XKR6: variants seen among roughly 807,000 people sequenced by gnomAD.
XKR6 encodes XK related 6, also known as XK-related protein 6.
In XKR6, 22 loss-of-function variants were observed where a neutral mutation model predicts 56.7. The ratio of observed to expected loss-of-function variants is 0.39; its 90% CI spans 0.28 to 0.55. The LOEUF is 0.55. XKR6 is among the 20% of genes least tolerant of loss of function. XKR6 has a pLI of 0.66. For missense variants in XKR6, 852 were observed against 889.0 expected (o/e 0.96, Z 0.53); for synonymous variants, 524 against 387.8 (o/e 1.35, Z -4.13).
chr8:10,906,416 A>G (rs919010356), intron 2 of XKR6, among the ~76,000 whole-genome samples: 1 of 152,242 alleles, frequency 6.6e-6, no homozygotes, highest in Non-Finnish European at 1.5e-5. Context: ...TGGTCTTCAC[A>G]TGCAGGGCAC....
chr8:11,104,414 T>C (rs1018957362), intron 1 of XKR6, among the ~76,000 whole-genome samples: 3 of 152,240 alleles, frequency 2.0e-5, no homozygotes, highest in East Asian at 1.9e-4. Context: ...GGCACAGTGA[T>C]TGGCACTCAA....
At chr8:10,903,508 C>T (rs1057228176) in intron 2 of XKR6, among the ~76,000 whole-genome samples, 2 of 151,984 alleles carry the variant, frequency 1.3e-5, no homozygotes, top group Non-Finnish European at 2.9e-5. Context: ...AAGTTGTGTC[C>T]CCCCCACAAA....
intron 2 of XKR6, among the ~76,000 whole-genome samples, chr8:10,914,935 C>G (rs1306299305): frequency 4.6e-5 from 7 of 152,246 alleles, no homozygotes; most frequent in African/African-American, 1.7e-4. Context: ...TCTCAGGACA[C>G]TGTCCTCCAG....
At chr8:11,108,546 G>C (rs913468880) in intron 1 of XKR6, 2 of 357,426 alleles carry the variant, frequency 5.6e-6, no homozygotes, top group African/African-American at 4.3e-5. Context: ...GAGGACTGTG[G>C]CTCAGCGGCC....
intron 1 of XKR6, among the ~76,000 whole-genome samples, chr8:11,068,011 G>A (rs539736414): frequency 6.6e-6 from 1 of 152,246 alleles, no homozygotes; most frequent in Non-Finnish European, 1.5e-5. Context: ...GCTAGATTCT[G>A]AGCTCCCTGG....
intron 1 of XKR6, among the ~76,000 whole-genome samples, chr8:11,075,850 G>A (rs1190328796): frequency 2.0e-5 from 3 of 152,070 alleles, no homozygotes; most frequent in African/African-American, 7.2e-5. Context: ...TCCAGCCTGG[G>A]CAACATAGCG....
intron 1 of XKR6, among the ~76,000 whole-genome samples, chr8:11,186,802 C>A (rs1219400465): frequency 1.3e-5 from 2 of 152,228 alleles, no homozygotes; most frequent in Non-Finnish European, 2.9e-5. Context: ...CACCCCACGA[C>A]AAACAATACT....
At chr8:10,916,518 A>G (rs1259471461) in intron 2 of XKR6, among the ~76,000 whole-genome samples, 1 of 152,228 alleles carries the variant, frequency 6.6e-6, no homozygotes, top group African/African-American at 2.4e-5. Flanking sequence ...GATGTCTTTC[A>G]CTGGGGAGAG....
intron 1 of XKR6, chr8:11,108,192 C>G: frequency 2.3e-6 from 1 of 443,044 alleles, no homozygotes; most frequent in South Asian, 1.6e-5. Context: ...GTCCACTACA[C>G]TTATAAACAA....
At chr8:11,036,976 C>T (rs1244158660) in intron 1 of XKR6, among the ~76,000 whole-genome samples, 2 of 152,186 alleles carry the variant, frequency 1.3e-5, no homozygotes, top group Non-Finnish European at 2.9e-5. Flanking sequence ...TGAGAAGCCC[C>T]CTAGATCGGG....
chr8:10,899,272 G>T (rs1799972061), intron 2 of XKR6, among the ~76,000 whole-genome samples: 1 of 152,246 alleles, frequency 6.6e-6, no homozygotes. Context: ...GCACACAGAT[G>T]TGCGGCTGGC....
intron 1 of XKR6, among the ~76,000 whole-genome samples, chr8:11,097,807 C>CAAAAAAAAAAAAAA (rs1196874380): frequency 3.2e-5 from 2 of 62,966 alleles, no homozygotes; most frequent in African/African-American, 1.2e-4. Context: ...GACTCCATCT[C>CAAAAAAAAAAAAAA]AAAAAAAAAA....
intron 1 of XKR6, chr8:11,106,700 AT>A (rs1227324599): frequency 6.6e-6 from 1 of 151,938 alleles, no homozygotes; most frequent in Non-Finnish European, 1.5e-5. Flanking sequence ...AATACAAAAA[AT>A]TAGCTGGGCA....
intron 1 of XKR6, among the ~76,000 whole-genome samples, chr8:11,043,033 C>T (rs933554861): frequency 3.3e-5 from 5 of 152,178 alleles, no homozygotes; most frequent in African/African-American, 1.2e-4. Flanking sequence ...CTTGCCAGCC[C>T]TGGGGGGCTG....
At chr8:11,152,012 G>C (rs1029895896) in intron 1 of XKR6, among the ~76,000 whole-genome samples, 7 of 152,170 alleles carry the variant, frequency 4.6e-5, no homozygotes, top group Non-Finnish European at 7.3e-5. Context: ...GCAAACAATA[G>C]TAATCACCAA....
chr8:11,052,963 T>C (rs969618695), intron 1 of XKR6, among the ~76,000 whole-genome samples: 1 of 152,168 alleles, frequency 6.6e-6, no homozygotes, highest in Non-Finnish European at 1.5e-5. Flanking sequence ...TCTGGCATGT[T>C]TGGTCACAGT....
intron 1 of XKR6, among the ~76,000 whole-genome samples, chr8:11,190,604 G>A (rs1188460466): frequency 6.6e-6 from 1 of 152,180 alleles, no homozygotes; most frequent in Non-Finnish European, 1.5e-5. Context: ...CCTACCCTAA[G>A]CTCTGCAGAG....
At chr8:11,005,658 C>T (rs1166309557) in intron 1 of XKR6, among the ~76,000 whole-genome samples, 1 of 152,008 alleles carries the variant, frequency 6.6e-6, no homozygotes, top group African/African-American at 2.4e-5. Flanking sequence ...AGGAAAAATA[C>T]ATCACATTGT....
chr8:11,133,496 G>C (rs926067966), intron 1 of XKR6, among the ~76,000 whole-genome samples: 1 of 152,056 alleles, frequency 6.6e-6, no homozygotes, highest in African/African-American at 2.4e-5. Context: ...AAGACCTTTC[G>C]GAGTATGGAC....
Sources: gnomAD v4.1 joint callset for allele counts (sites outside exome capture counted in the v4.1 genomes callset) on GRCh38, gnomAD v4.1.1 for gene constraint, MANE v1.5 for transcripts, NCBI Gene and HGNC (gene_info 2026-07-23, HGNC 2026-07-21) for gene names.